Variants in KIDINS220 observed in about 807,000 individuals in gnomAD.
The protein encoded by KIDINS220 is kinase D-interacting substrate of 220 kDa.
In KIDINS220, 63 loss-of-function variants were observed where a neutral mutation model predicts 157.6. The ratio of observed to expected loss-of-function variants is 0.40; its 90% CI spans 0.33 to 0.49. The LOEUF (loss-of-function observed/expected upper bound fraction) is 0.49. Among genes scored for constraint, KIDINS220 ranks in the 20% least tolerant of loss-of-function variants. The probability of loss-of-function intolerance (pLI) is 0.66; values close to 1 mark genes in which losing one functional copy is unlikely to be tolerated. For missense variants in KIDINS220, 1,772 were observed against 2,171.2 expected (o/e 0.82, Z 3.65); for synonymous variants, 732 against 783.6 (o/e 0.93, Z 1.10).
At chr2:8,783,601 A>C (rs1035579754) in intron 17 of KIDINS220, among the ~76,000 whole-genome samples, 3 of 150,800 alleles carry the variant, frequency 2.0e-5, no homozygotes, top group Admixed American at 6.6e-5. Context: ...CAATGAAAAA[A>C]AACTCCTGGG....
At chr2:8,757,646 A>G in intron 22 of KIDINS220, 1 of 1,611,046 alleles carries the variant, frequency 6.2e-7, no homozygotes, top group Admixed American at 1.7e-5. Flanking sequence ...TGCATCTCTG[A>G]GGGAGTCATG....
At chr2:8,727,218 G>T, downstream of KIDINS220, 3 of 1,127,878 alleles carry the variant, frequency 2.7e-6, no homozygotes, top group Non-Finnish European at 3.3e-6. Flanking sequence ...CCCCGCAAAA[G>T]AACAGTATCC....
At chr2:8,772,237 A>AAG (rs1670330875) in intron 21 of KIDINS220, among the ~76,000 whole-genome samples, 4 of 152,148 alleles carry the variant, frequency 2.6e-5, no homozygotes, top group Non-Finnish European at 5.9e-5. Flanking sequence ...GCACTTTGGG[A>AAG]GGCAGAGGTG....
Position 8,747,185 on chromosome 2 carries a change from T to A in KIDINS220, c.3545A>T (p.Asp1182Val), listed in dbSNP as rs780186881. 5 of 1,614,034 alleles carry A rather than the reference T, an allele frequency of 3.1e-6. No individual in the cohort carries two copies. The highest frequency in any genetic ancestry group is 1.7e-5 in the Admixed American group (1 of 60,010). Residue 1182 changes from aspartate (D) to valine (V), a missense_variant, in exon 26 of 30, where the codon GAT becomes GTT. Transcript: ENST00000256707. ...GGGTGAAGAAAGCCCCTCAGCAGCA[T>A]CCTCCTTGATAACTTCCTAACAACA... ...QNNGLEVIKE[D>V]AAEGLSSPTD... is the part of the protein sequence containing the mutation.
intron 5 of KIDINS220, 101 bp from the exon 6 acceptor site, chr2:8,812,594 G>A (rs1012435067): frequency 3.9e-6 from 2 of 506,524 alleles, no homozygotes; most frequent in African/African-American, 2.0e-5. Flanking sequence ...AATCTTTTAG[G>A]TAGATATTTA....
intron 22 of KIDINS220, among the ~76,000 whole-genome samples, chr2:8,759,722 A>T (rs1429389724): frequency 4.6e-5 from 7 of 151,818 alleles, no homozygotes. Context: ...AGGTACATTT[A>T]GGGGCTCTGT....
intron 27 of KIDINS220, among the ~76,000 whole-genome samples, chr2:8,735,988 C>A (rs1664804624): frequency 6.6e-6 from 1 of 152,206 alleles, no homozygotes; most frequent in Non-Finnish European, 1.5e-5. Flanking sequence ...TGGGGCTTAT[C>A]CATGGAAAAG....
chr2:8,727,685 T>C (rs1034071521), downstream of KIDINS220, among the ~76,000 whole-genome samples: 1 of 152,224 alleles, frequency 6.6e-6, no homozygotes, highest in Non-Finnish European at 1.5e-5. Flanking sequence ...GAGAGTAGCA[T>C]TTTCGCAAGT....
chr2:8,772,829 T>C (rs1421728717), intron 21 of KIDINS220, among the ~76,000 whole-genome samples: 1 of 9,776 alleles, frequency 1.0e-4, no homozygotes, highest in African/African-American at 2.1e-4. Flanking sequence ...ACTTTCCTAA[T>C]AGCAACTATT....
intron 1 of KIDINS220, 122 bp from the exon 2 acceptor site, chr2:8,827,251 AC>A (rs1678941751): frequency 2.1e-6 from 1 of 487,556 alleles, no homozygotes; most frequent in South Asian, 2.9e-5. Context: ...AAGTGAAGAT[AC>A]GACTTCCCAC....
At chr2:8,801,956 C>T (rs937672184) in intron 8 of KIDINS220, among the ~76,000 whole-genome samples, 6 of 152,174 alleles carry the variant, frequency 3.9e-5, no homozygotes, top group African/African-American at 1.4e-4. Flanking sequence ...GAAGACCTTC[C>T]CGAGGAGGAA....
intron 1 of KIDINS220, among the ~76,000 whole-genome samples, chr2:8,835,121 T>C (rs1680218000): frequency 6.6e-6 from 1 of 152,228 alleles, no homozygotes; most frequent in African/African-American, 2.4e-5. Context: ...AGCACTGAGA[T>C]TACAGGTGTG....
intron 7 of KIDINS220, among the ~76,000 whole-genome samples, chr2:8,805,148 C>T (rs1029453263): frequency 7.9e-5 from 12 of 152,196 alleles, no homozygotes; most frequent in Non-Finnish European, 1.2e-4. Flanking sequence ...GGGTCCTGAG[C>T]ACAGGAGCTT....
At chr2:8,762,825 A>G (rs528787720) in intron 22 of KIDINS220, among the ~76,000 whole-genome samples, 91 of 152,336 alleles carry the variant, frequency 6.0e-4, no homozygotes, top group Non-Finnish European at 1.9e-4. Flanking sequence ...AGACATAGAA[A>G]TGGTATAAAG....
intron 27 of KIDINS220, 45 bp downstream of exon 27, chr2:8,736,823 C>T (rs374606352): frequency 1.1e-5 from 18 of 1,607,218 alleles, no homozygotes; most frequent in Admixed American, 5.0e-5. Context: ...TCCTGTCTTC[C>T]GCCCCCAGCG....
At chr2:8,751,669 A>C in intron 22 of KIDINS220, 25 bp from the exon 23 acceptor site, 2 of 1,506,004 alleles carry the variant, frequency 1.3e-6, no homozygotes, top group Non-Finnish European at 1.8e-6. Context: ...TCAATGAAAA[A>C]GGTTATTAAT....
intron 1 of KIDINS220, among the ~76,000 whole-genome samples, chr2:8,831,065 C>T (rs920490218): frequency 9.2e-5 from 14 of 152,300 alleles, no homozygotes; most frequent in African/African-American, 3.4e-4. Flanking sequence ...ATACATCTCT[C>T]CTAAAACCAA....
At chr2:8,727,246 T>G, downstream of KIDINS220, 2 of 1,084,862 alleles carry the variant, frequency 1.8e-6, no homozygotes, top group African/African-American at 3.2e-5. Flanking sequence ...TTTCTTCCCT[T>G]CCGCCCAGTG....
chr2:8,818,049 A>G (rs1202498041), intron 3 of KIDINS220, among the ~76,000 whole-genome samples: 1 of 152,214 alleles, frequency 6.6e-6, no homozygotes, highest in Non-Finnish European at 1.5e-5. Flanking sequence ...TTACTGTAAT[A>G]TAAATTGGAA....
Sources: gnomAD v4.1 joint callset for allele counts (sites outside exome capture counted in the v4.1 genomes callset) on GRCh38, gnomAD v4.1.1 for gene constraint, MANE v1.5 for transcripts, NCBI Gene and HGNC (gene_info 2026-07-23, HGNC 2026-07-21) for gene names.